The following MTMR7 variants were observed in gnomAD, a reference collection of about 807,000 sequenced individuals.
The protein encoded by MTMR7 is myotubularin related protein 7, also known as phosphatidylinositol-3-phosphate phosphatase MTMR7.
In MTMR7, 76 loss-of-function variants were observed where a neutral mutation model predicts 81.2. The ratio of observed to expected loss-of-function variants is 0.94; its 90% CI spans 0.78 to 1.13. The LOEUF is 1.13. Among genes scored for constraint, MTMR7 ranks in the 50% most tolerant of loss-of-function variants. MTMR7 has a pLI of 0.00. For missense variants in MTMR7, 1,044 were observed against 820.0 expected (o/e 1.27, Z -3.34); for synonymous variants, 372 against 289.8 (o/e 1.28, Z -2.88).
intron 7 of MTMR7, among the ~76,000 whole-genome samples, chr8:17,318,450 A>T (rs1258219332): frequency 1.3e-5 from 2 of 152,176 alleles, no homozygotes; most frequent in Non-Finnish European, 2.9e-5. Context: ...CCGATATGAT[A>T]GAACAGTCAT....
chr8:17,332,220 C>T (rs1819038875), intron 6 of MTMR7, among the ~76,000 whole-genome samples: 1 of 139,508 alleles, frequency 7.2e-6, no homozygotes, highest in African/African-American at 3.3e-5. Flanking sequence ...AACTCACCAC[C>T]AGAAAAAAAT....
At chr8:17,337,258 G>A (rs554566601) in intron 6 of MTMR7, among the ~76,000 whole-genome samples, 40 of 151,782 alleles carry the variant, frequency 2.6e-4, no homozygotes, top group East Asian at 9.8e-4. Context: ...CCAGCTACTC[G>A]GGAGGCTGAG....
intron 1 of MTMR7, among the ~76,000 whole-genome samples, chr8:17,375,688 C>T (rs1338081740): frequency 4.6e-5 from 7 of 152,114 alleles, no homozygotes; most frequent in Admixed American, 4.6e-4. Flanking sequence ...TTTATAACTG[C>T]GTCCTTACCA....
At chr8:17,392,323 C>G (rs1821130900) in intron 1 of MTMR7, among the ~76,000 whole-genome samples, 1 of 152,070 alleles carries the variant, frequency 6.6e-6, no homozygotes, top group Admixed American at 6.6e-5. Context: ...TCAAAATTTA[C>G]TAATAAATAA....
chr8:17,411,356 T>C (rs1434494208), intron 1 of MTMR7, among the ~76,000 whole-genome samples: 5 of 152,180 alleles, frequency 3.3e-5, no homozygotes, highest in African/African-American at 1.2e-4. Flanking sequence ...GATCCTCTCT[T>C]CAGTCTCCCT....
At chr8:17,396,238 A>T (rs999844630) in intron 1 of MTMR7, among the ~76,000 whole-genome samples, 2 of 152,092 alleles carry the variant, frequency 1.3e-5, no homozygotes, top group Non-Finnish European at 2.9e-5. Flanking sequence ...AACTACACAC[A>T]AAAAAGCACC....
intron 1 of MTMR7, among the ~76,000 whole-genome samples, chr8:17,383,164 C>A (rs982274732): frequency 6.6e-6 from 1 of 152,074 alleles, no homozygotes; most frequent in Non-Finnish European, 1.5e-5. Flanking sequence ...TCAGTTTTAC[C>A]TTTAAACAGT....
At chr8:17,376,668 C>G (rs1298146309) in intron 1 of MTMR7, among the ~76,000 whole-genome samples, 1 of 152,070 alleles carries the variant, frequency 6.6e-6, no homozygotes, top group Non-Finnish European at 1.5e-5. Context: ...ATTTGCACTT[C>G]CCTGATAGCT....
At chr8:17,397,566 G>C (rs898370196) in intron 1 of MTMR7, among the ~76,000 whole-genome samples, 5 of 152,102 alleles carry the variant, frequency 3.3e-5, no homozygotes, top group African/African-American at 1.2e-4. Flanking sequence ...AATATAACAT[G>C]AGGTACGTTT....
At chr8:17,364,497 C>T (rs1820163015) in intron 3 of MTMR7, among the ~76,000 whole-genome samples, 1 of 152,202 alleles carries the variant, frequency 6.6e-6, no homozygotes, top group South Asian at 2.1e-4. Context: ...ATACTCAACA[C>T]ACTGTGCAAC....
chr8:17,348,299 A>AG (rs1226055033), intron 5 of MTMR7, among the ~76,000 whole-genome samples: 1 of 152,098 alleles, frequency 6.6e-6, no homozygotes, highest in Non-Finnish European at 1.5e-5. Context: ...GCACTTTGTG[A>AG]GGCCGAGGCA....
chr8:17,314,185 A>G (rs1279615770), intron 7 of MTMR7, among the ~76,000 whole-genome samples: 3 of 152,210 alleles, frequency 2.0e-5, no homozygotes, highest in Non-Finnish European at 4.4e-5. Context: ...ACATATCACA[A>G]ATACGGCAAT....
At chr8:17,317,768 G>A (rs1224922193) in intron 7 of MTMR7, among the ~76,000 whole-genome samples, 6 of 152,048 alleles carry the variant, frequency 3.9e-5, no homozygotes, top group Non-Finnish European at 8.8e-5. Context: ...GCTTACTTTG[G>A]GGTTTCTCAT....
intron 1 of MTMR7, 131 bp from the exon 2 acceptor site, chr8:17,373,371 C>A: frequency 9.6e-7 from 1 of 1,041,526 alleles, no homozygotes; most frequent in Non-Finnish European, 1.3e-6. Flanking sequence ...TAATAAAAAC[C>A]AAAAACTTCC....
chr8:17,302,097 C>G lies in MTMR7; in HGVS notation c.1620+57G>C, dbSNP rs777062164. The G allele has an allele frequency of 4.7e-5, 75 of 1,605,582 alleles. No homozygotes were observed. The South Asian group carries it at 7.3e-4, about 16-fold the overall frequency. ...TGAATCTTAAGAGGCTTTCATGAAGCCTTGCTCTTCAAGAAATAAGCACAG... is the reference window on the plus strand; with the variant it reads ...TGAATCTTAAGAGGCTTTCATGAAGGCTTGCTCTTCAAGAAATAAGCACAG... On this transcript the variant is annotated intron_variant, in intron 13 of 13. Coordinates refer to ENST00000180173, the MANE Select transcript of MTMR7 (RefSeq NM_004686.5).
intron 5 of MTMR7, chr8:17,346,120 A>T (rs1819543878): frequency 6.6e-6 from 1 of 152,232 alleles, no homozygotes; most frequent in Non-Finnish European, 1.5e-5. Flanking sequence ...TAAGCACAGA[A>T]ATCCACCTTT....
At chr8:17,315,219 G>A (rs1476118849) in intron 7 of MTMR7, among the ~76,000 whole-genome samples, 3 of 152,084 alleles carry the variant, frequency 2.0e-5, no homozygotes, top group African/African-American at 7.2e-5. Flanking sequence ...CAGTGCTAAG[G>A]GAAAGAAGCC....
chr8:17,312,164 C>G (rs1301775516), intron 8 of MTMR7, among the ~76,000 whole-genome samples: 1 of 152,216 alleles, frequency 6.6e-6, no homozygotes, highest in African/African-American at 2.4e-5. Context: ...TTTGCTATTG[C>G]AAATGCACAT....
chr8:17,397,138 A>G (rs1821278421), intron 1 of MTMR7, among the ~76,000 whole-genome samples: 1 of 152,004 alleles, frequency 6.6e-6, no homozygotes, highest in Admixed American at 6.6e-5. Flanking sequence ...AGCCCAGCAC[A>G]TTTGCAGCTG....
Sources: gnomAD v4.1 joint callset for allele counts (sites outside exome capture counted in the v4.1 genomes callset) on GRCh38, gnomAD v4.1.1 for gene constraint, MANE v1.5 for transcripts, NCBI Gene and HGNC (gene_info 2026-07-23, HGNC 2026-07-21) for gene names.